RCAN2: variants seen among roughly 807,000 people sequenced by gnomAD.
RCAN2 encodes calcipressin-2.
A neutral mutation model predicts 23.6 loss-of-function variants in RCAN2; 9 were observed. That is an observed-to-expected ratio of 0.38 (90% confidence interval 0.23 to 0.67). The LOEUF (loss-of-function observed/expected upper bound fraction) is 0.67, where lower values mean the gene tolerates loss of function less well. Ranked by LOEUF, RCAN2 falls within the 30% of genes least tolerant of loss-of-function variation. The pLI is 0.51. For missense variants in RCAN2, 273 were observed against 302.3 expected (o/e 0.90, Z 0.72); for synonymous variants, 109 against 115.7 (o/e 0.94, Z 0.37).
chr6:46,468,481 A>G lies in RCAN2; in HGVS notation c.-2-11503T>C, dbSNP rs372707707. Among the ~76,000 whole-genome samples the G allele has an allele frequency of 4.3e-3, 662 of 152,242 alleles. 5 individuals are homozygous for G. Among genetic ancestry groups the G allele is most frequent in the African/African-American group, 0.015 (641 of 41,552 alleles). On this transcript the variant is annotated intron_variant, in intron 1 of 4. Transcript: ENST00000371374. ...GTACTTCAGAGTGAGGTCCAACCCC[A>G]CCACAGCCGCGCCAACGCCAGCAAA...
chr6:46,316,954 G>C (rs1763460242), intron 2 of RCAN2, among the ~76,000 whole-genome samples: 1 of 152,140 alleles, frequency 6.6e-6, no homozygotes. Flanking sequence ...GTGTGGCTTT[G>C]TTTACCTTGG....
At chr6:46,234,008 C>T (rs545299532) in intron 4 of RCAN2, among the ~76,000 whole-genome samples, 343 of 152,222 alleles carry the variant, frequency 2.3e-3, no homozygotes, top group Middle Eastern at 6.8e-3. Flanking sequence ...AGATTACAGG[C>T]GTGAGCCACC....
chr6:46,275,505 G>A (rs1398989446), intron 2 of RCAN2, among the ~76,000 whole-genome samples: 1 of 152,126 alleles, frequency 6.6e-6, no homozygotes, highest in African/African-American at 2.4e-5. Context: ...CCTCCTCTAA[G>A]CCACTCAGAT....
chr6:46,420,478 C>T (rs1431473960), intron 2 of RCAN2, among the ~76,000 whole-genome samples: 1 of 151,856 alleles, frequency 6.6e-6, no homozygotes, highest in Non-Finnish European at 1.5e-5. Flanking sequence ...GTGGAATCAG[C>T]ACTGGAAATA....
intron 2 of RCAN2, among the ~76,000 whole-genome samples, chr6:46,310,094 A>G (rs918035495): frequency 6.6e-6 from 1 of 152,096 alleles, no homozygotes; most frequent in South Asian, 2.1e-4. Context: ...TGGGTGTTAC[A>G]AAGTGCTCCA....
At chr6:46,374,319 C>G (rs1232047391) in intron 2 of RCAN2, among the ~76,000 whole-genome samples, 1 of 152,204 alleles carries the variant, frequency 6.6e-6, no homozygotes, top group Non-Finnish European at 1.5e-5. Context: ...CCATCTCAGG[C>G]CTCCCTAATT....
intron 2 of RCAN2, among the ~76,000 whole-genome samples, chr6:46,343,596 C>T (rs1002692039): frequency 6.6e-6 from 1 of 151,992 alleles, no homozygotes; most frequent in Non-Finnish European, 1.5e-5. Flanking sequence ...AGGATGATCT[C>T]GATCTCCTGA....
chr6:46,283,028 G>C (rs569314605), intron 2 of RCAN2, among the ~76,000 whole-genome samples: 112 of 152,302 alleles, frequency 7.4e-4, no homozygotes, highest in African/African-American at 2.5e-3. Flanking sequence ...CTGCCTGACC[G>C]GGGGCTGGCA....
intron 2 of RCAN2, among the ~76,000 whole-genome samples, chr6:46,349,062 A>C (rs1033012225): frequency 1.3e-5 from 2 of 152,214 alleles, no homozygotes; most frequent in Non-Finnish European, 2.9e-5. Context: ...AAAACCATAC[A>C]GCAAATTCAG....
intron 2 of RCAN2, among the ~76,000 whole-genome samples, chr6:46,437,589 G>A (rs1767411028): frequency 6.6e-6 from 1 of 152,180 alleles, no homozygotes; most frequent in Non-Finnish European, 1.5e-5. Flanking sequence ...TTTTGACAAA[G>A]GGTTGAACAA....
intron 2 of RCAN2, among the ~76,000 whole-genome samples, chr6:46,430,899 C>T (rs1767178884): frequency 6.6e-6 from 1 of 152,140 alleles, no homozygotes; most frequent in East Asian, 1.9e-4. Context: ...ATGATTTTCC[C>T]TGAAACAGCT....
intron 2 of RCAN2, among the ~76,000 whole-genome samples, chr6:46,315,312 A>G (rs535614740): frequency 6.6e-6 from 1 of 152,286 alleles, no homozygotes; most frequent in South Asian, 2.1e-4. Flanking sequence ...TGGTGAGTGG[A>G]GATAGACAAT....
At chr6:46,259,693 C>T (rs576700468) in intron 2 of RCAN2, among the ~76,000 whole-genome samples, 2 of 152,280 alleles carry the variant, frequency 1.3e-5, no homozygotes, top group East Asian at 3.9e-4. Context: ...AGGTTAAGGG[C>T]TCAGTACTCC....
chr6:46,383,137 A>C (rs1765654077), intron 2 of RCAN2, among the ~76,000 whole-genome samples: 1 of 151,532 alleles, frequency 6.6e-6, no homozygotes, highest in African/African-American at 2.4e-5. Flanking sequence ...AGGAGAGTTC[A>C]AAGGAAGGAA....
intron 2 of RCAN2, among the ~76,000 whole-genome samples, chr6:46,368,956 GT>G (rs1244147019): frequency 2.0e-5 from 3 of 152,004 alleles, no homozygotes; most frequent in Admixed American, 6.6e-5. Context: ...TTTTCAAATA[GT>G]TTTTAACTTT....
chr6:46,267,484 C>T (rs1404762707), intron 2 of RCAN2, among the ~76,000 whole-genome samples: 2 of 152,068 alleles, frequency 1.3e-5, no homozygotes, highest in East Asian at 1.9e-4. Flanking sequence ...AGTTTGAGAC[C>T]AGCCTAAGCA....
intron 2 of RCAN2, among the ~76,000 whole-genome samples, chr6:46,332,393 G>A (rs1007648306): frequency 2.0e-5 from 3 of 151,598 alleles, no homozygotes; most frequent in Non-Finnish European, 4.4e-5. Context: ...TGTGCCATGC[G>A]GGTGTGCTGC....
intron 2 of RCAN2, among the ~76,000 whole-genome samples, chr6:46,277,703 A>T (rs1582056771): frequency 1.3e-5 from 2 of 151,970 alleles, no homozygotes; most frequent in East Asian, 3.9e-4. Context: ...TTTATGCCAG[A>T]GGGAGGCATA....
intron 4 of RCAN2, among the ~76,000 whole-genome samples, chr6:46,226,333 T>A (rs1375433968): frequency 6.6e-6 from 1 of 152,218 alleles, no homozygotes; most frequent in African/African-American, 2.4e-5. Flanking sequence ...AAGTCCTTGG[T>A]AGCTTGATGG....
Sources: allele counts gnomAD v4.1 joint callset (sites outside exome capture counted in the v4.1 genomes callset), GRCh38; gene constraint gnomAD v4.1.1; transcripts MANE v1.5; gene names NCBI Gene and HGNC (gene_info 2026-07-23, HGNC 2026-07-21).